PJA2: variants seen among roughly 807,000 people sequenced by gnomAD.
The protein encoded by PJA2 is praja ring finger ubiquitin ligase 2.
In PJA2, 25 loss-of-function variants were observed where a neutral mutation model predicts 69.3. The ratio of observed to expected loss-of-function variants is 0.36; its 90% confidence interval spans 0.26 to 0.50. The LOEUF (loss-of-function observed/expected upper bound fraction) is 0.50. Ranked by LOEUF, PJA2 falls within the 20% of genes least tolerant of loss-of-function variation. The pLI, the probability that PJA2 is intolerant of heterozygous loss-of-function variation, is 0.96. For missense variants in PJA2, 809 were observed against 830.2 expected (o/e 0.97, Z 0.31); for synonymous variants, 308 against 277.8 (o/e 1.11, Z -1.08).
intron 1 of PJA2, among the ~76,000 whole-genome samples, chr5:109,387,505 A>G (rs1311661803): frequency 6.6e-6 from 1 of 152,222 alleles, no homozygotes; most frequent in East Asian, 1.9e-4. Flanking sequence ...TCCAGGTACT[A>G]TTCACCTAAC....
chr5:109,342,916 C>T (rs1363422909), intron 9 of PJA2, among the ~76,000 whole-genome samples: 3 of 67,268 alleles, frequency 4.5e-5, no homozygotes. Context: ...CCAGCCGCCC[C>T]GTCCGGGAGG....
intron 9 of PJA2, among the ~76,000 whole-genome samples, chr5:109,339,803 A>G (rs1002354905): frequency 1.3e-5 from 2 of 152,222 alleles, no homozygotes; most frequent in African/African-American, 4.8e-5. Flanking sequence ...TGGATTACCT[A>G]CTTCAACTCT....
chr5:109,354,650 T>C (rs1762380517), intron 7 of PJA2, among the ~76,000 whole-genome samples: 1 of 146,940 alleles, frequency 6.8e-6, no homozygotes, highest in Admixed American at 6.9e-5. Flanking sequence ...ATATGTTATA[T>C]ATCTAATATA....
intron 4 of PJA2, among the ~76,000 whole-genome samples, chr5:109,373,004 G>GA (rs1762702005): frequency 1.3e-5 from 2 of 151,652 alleles, no homozygotes; most frequent in Non-Finnish European, 2.9e-5. Flanking sequence ...TGAGGCAGGA[G>GA]AATTGCTTGA....
chr5:109,372,368 CT>C (rs1336129309), intron 4 of PJA2, among the ~76,000 whole-genome samples: 2 of 146,424 alleles, frequency 1.4e-5, no homozygotes, highest in African/African-American at 5.6e-5. Context: ...ATCACTTCAC[CT>C]TTTCCCCACT....
intron 7 of PJA2, among the ~76,000 whole-genome samples, chr5:109,349,510 C>A (rs76144882): frequency 0.031 from 4,643 of 152,226 alleles, 96 homozygotes; most frequent in Middle Eastern, 0.048. Flanking sequence ...GCAGCCTCCC[C>A]CAGCATCCAT....
intron 6 of PJA2, among the ~76,000 whole-genome samples, chr5:109,357,836 T>C (rs536143672): frequency 3.9e-5 from 6 of 152,308 alleles, no homozygotes; most frequent in African/African-American, 1.4e-4. Flanking sequence ...TTCCTTCTCT[T>C]TGCAAAAAAA....
chr5:109,367,143 AAT>A (rs1554054261), intron 5 of PJA2, among the ~76,000 whole-genome samples: 67 of 143,146 alleles, frequency 4.7e-4, no homozygotes, highest in South Asian at 1.3e-3. Flanking sequence ...CAAAAAAAAA[AAT>A]ATATATATAT....
chr5:109,402,480 A>G (rs1747577149), intron 1 of PJA2, among the ~76,000 whole-genome samples: 1 of 152,198 alleles, frequency 6.6e-6, no homozygotes, highest in Non-Finnish European at 1.5e-5. Context: ...TTCACCAAAA[A>G]GTTTTAACAA....
intron 5 of PJA2, among the ~76,000 whole-genome samples, chr5:109,363,395 C>T (rs1028401539): frequency 4.6e-5 from 7 of 152,172 alleles, no homozygotes; most frequent in Non-Finnish European, 8.8e-5. Flanking sequence ...CTCAACCTGG[C>T]CTTCAAATCC....
At position 109,338,254 on chromosome 5, in the gene PJA2, G is replaced by A. The variant is rs952217227; in HGVS notation, c.2002-898C>T. On this transcript the variant is annotated intron_variant, in intron 9 of 9. Transcript: ENST00000361189. Reference sequence around the variant, plus strand: ...CTTCACACTAAGGTATTTCCTGACAGGAGAAAGACTGAAGAGACTGTTACT... The same window carrying A: ...CTTCACACTAAGGTATTTCCTGACAAGAGAAAGACTGAAGAGACTGTTACT... 4.5e-4 allele frequency among the ~76,000 whole-genome samples: 69 copies of A among 152,174 alleles called. 1 individual carries two copies. The highest frequency in any genetic ancestry group is 1.7e-3 in the African/African-American group (69 of 41,426).
chr5:109,342,631 C>T (rs1471370812), intron 9 of PJA2, among the ~76,000 whole-genome samples: 21 of 105,556 alleles, frequency 2.0e-4, no homozygotes, highest in African/African-American at 6.2e-4. Context: ...CCCGGCCAGC[C>T]GCCCCGTCCG....
In PJA2 at chr5:109,344,689, T is replaced by A; in HGVS notation, c.1879+16A>T. ...ACAATGTGTTCTTCAACATTTGAGATCAACTTTGCCCTTACCAGTGTGATC... is the reference window on the plus strand; with the variant it reads ...ACAATGTGTTCTTCAACATTTGAGAACAACTTTGCCCTTACCAGTGTGATC... On this transcript the variant is annotated intron_variant, in intron 8 of 9. Transcript: ENST00000361189. The A allele has an allele frequency of 1.1e-5, 17 of 1,521,440 alleles. No individual in the cohort carries two copies. The highest frequency in any genetic ancestry group is 1.5e-5 in the Non-Finnish European group (17 of 1,099,764). 94.2% of individuals were successfully genotyped at this position (1,521,440 alleles called of 1,614,324 possible).
chr5:109,342,088 G>A (rs1360296846), intron 9 of PJA2, among the ~76,000 whole-genome samples: 14 of 132,776 alleles, frequency 1.1e-4, no homozygotes, highest in East Asian at 4.3e-4. Context: ...CGCCCCGTCC[G>A]GGAGGGAGGT....
intron 9 of PJA2, 83 bp downstream of exon 9, chr5:109,344,107 A>G (rs1762133442): frequency 1.4e-5 from 12 of 877,072 alleles, no homozygotes; most frequent in Non-Finnish European, 1.7e-5. Flanking sequence ...CACCAAAAAA[A>G]AAAAAAAAAA....
chr5:109,362,037 A>C (rs1034206870), intron 6 of PJA2, among the ~76,000 whole-genome samples: 9 of 152,224 alleles, frequency 5.9e-5, no homozygotes, highest in African/African-American at 1.9e-4. Flanking sequence ...TATTTTTCTG[A>C]ATTTTCTGTA....
intron 6 of PJA2, among the ~76,000 whole-genome samples, chr5:109,359,821 T>C (rs910683935): frequency 6.6e-6 from 1 of 152,226 alleles, no homozygotes; most frequent in African/African-American, 2.4e-5. Context: ...TTATATAATA[T>C]TGTATCAGCA....
intron 3 of PJA2, among the ~76,000 whole-genome samples, chr5:109,379,927 T>C (rs1346058348): frequency 6.6e-6 from 1 of 152,120 alleles, no homozygotes; most frequent in Non-Finnish European, 1.5e-5. Context: ...AAATCATATC[T>C]ATAAATTACT....
intron 7 of PJA2, among the ~76,000 whole-genome samples, chr5:109,350,753 A>G (rs1762236697): frequency 6.6e-6 from 1 of 152,210 alleles, no homozygotes; most frequent in African/African-American, 2.4e-5. Flanking sequence ...TTAACACAAA[A>G]GCCCACCTTC....
Sources: gnomAD v4.1 joint callset for allele counts (sites outside exome capture counted in the v4.1 genomes callset) on GRCh38, gnomAD v4.1.1 for gene constraint, MANE v1.5 for transcripts, NCBI Gene and HGNC (gene_info 2026-07-23, HGNC 2026-07-21) for gene names.